ANKS1B: variants seen among roughly 807,000 people sequenced by gnomAD.
ANKS1B encodes ankyrin repeat and sterile alpha motif domain-containing protein 1B.
In ANKS1B, 36 loss-of-function variants were observed where a neutral mutation model predicts 148.3. The observed-to-expected ratio is 0.24, with a 90% CI of 0.19 to 0.32. The LOEUF (loss-of-function observed/expected upper bound fraction) is 0.32, where lower values mean the gene tolerates loss of function less well. Ranked by LOEUF, ANKS1B falls within the 10% of genes least tolerant of loss-of-function variation. ANKS1B has a pLI of 1.00. For missense variants in ANKS1B, 1,157 were observed against 1,542.6 expected (o/e 0.75, Z 4.19); for synonymous variants, 542 against 560.8 (o/e 0.97, Z 0.47).
In ANKS1B at chr12:99,138,585, G is replaced by A. The variant is rs536139121; in HGVS notation, c.2526+15704C>T. Among the ~76,000 whole-genome samples, 15 of 152,256 alleles carry A rather than the reference G, an allele frequency of 9.9e-5. 1 individual carries two copies. The highest frequency in any genetic ancestry group is 5.8e-4 in the East Asian group (3 of 5,168). ...GGTGAGCCTATCTGGGCACAGTGAC[G>A]GGTCATTAAGCTGTCTTCTCATATG... On this transcript the variant is annotated intron_variant, in intron 15 of 26. Transcript: ENST00000683438.
At chr12:99,108,815 C>G (rs2059727827) in intron 15 of ANKS1B, among the ~76,000 whole-genome samples, 1 of 152,076 alleles carries the variant, frequency 6.6e-6, no homozygotes. Flanking sequence ...CAGTAGGACA[C>G]TTTATGGGCA....
intron 12 of ANKS1B, among the ~76,000 whole-genome samples, chr12:99,249,731 T>C (rs1325477112): frequency 6.6e-6 from 1 of 152,162 alleles, no homozygotes; most frequent in African/African-American, 2.4e-5. Flanking sequence ...CCTCTCACGC[T>C]GACTCCCTCA....
At chr12:99,558,328 A>C (rs2097299256) in intron 9 of ANKS1B, among the ~76,000 whole-genome samples, 1 of 152,174 alleles carries the variant, frequency 6.6e-6, no homozygotes, top group Admixed American at 6.5e-5. Context: ...AAGCATCAGG[A>C]GGAGCAGGAT....
intron 17 of ANKS1B, among the ~76,000 whole-genome samples, chr12:98,948,680 A>G (rs1182445475): frequency 2.0e-5 from 3 of 151,946 alleles, no homozygotes; most frequent in South Asian, 2.1e-4. Context: ...CATGGACCAC[A>G]TTGATATGCA....
At chr12:99,334,459 T>C (rs1308362002) in intron 12 of ANKS1B, among the ~76,000 whole-genome samples, 1 of 152,022 alleles carries the variant, frequency 6.6e-6, no homozygotes, top group Non-Finnish European at 1.5e-5. Context: ...ACTTGCTCAA[T>C]AATATTCATA....
intron 12 of ANKS1B, among the ~76,000 whole-genome samples, chr12:99,252,309 A>G (rs1602089714): frequency 6.6e-6 from 1 of 152,178 alleles, no homozygotes; most frequent in Non-Finnish European, 1.5e-5. Context: ...TGCAGGTAGG[A>G]ATAGGGTTGG....
At chr12:99,028,946 T>A (rs2099950411) in intron 17 of ANKS1B, among the ~76,000 whole-genome samples, 1 of 152,162 alleles carries the variant, frequency 6.6e-6, no homozygotes, top group Admixed American at 6.5e-5. Context: ...TAGTATTTTA[T>A]CTTTAAAAGG....
intron 14 of ANKS1B, among the ~76,000 whole-genome samples, chr12:99,164,773 T>C (rs1028069599): frequency 7.9e-5 from 12 of 152,094 alleles, no homozygotes; most frequent in Admixed American, 4.6e-4. Context: ...CTGATAATCA[T>C]TTAGTAAACA....
rs551891849 is a variant in ANKS1B, at chr12:99,915,361, A to C, written c.134+68743T>G. The stretch of plus-strand genomic sequence containing the variant: ...CATGTGTCATTAGAACTGAGAGCAC[A>C]CATAAGGACGTGGATGTTGAGGGTG... On this transcript the variant is annotated intron_variant, in intron 1 of 26. Transcript: ENST00000683438. Among the ~76,000 whole-genome samples, 5 of 152,274 alleles carry C rather than the reference A, an allele frequency of 3.3e-5. No individual in the cohort carries two copies. In the South Asian group the frequency reaches 1.0e-3, roughly 32 times the overall value.
intron 16 of ANKS1B, among the ~76,000 whole-genome samples, chr12:99,063,040 C>T (rs970427415): frequency 1.3e-5 from 2 of 152,122 alleles, no homozygotes; most frequent in Admixed American, 6.5e-5. Flanking sequence ...CAAGAGCTGT[C>T]GCCTGTGTTG....
At chr12:98,743,592 G>C (rs1207973487), downstream of ANKS1B, among the ~76,000 whole-genome samples, 2 of 152,088 alleles carry the variant, frequency 1.3e-5, no homozygotes, top group Middle Eastern at 3.2e-3. Context: ...CTGGTCTATG[G>C]GGCTGCTGTG....
At chr12:99,393,204 C>G (rs1319911034) in intron 12 of ANKS1B, among the ~76,000 whole-genome samples, 1 of 152,084 alleles carries the variant, frequency 6.6e-6, no homozygotes, top group African/African-American at 2.4e-5. Context: ...AAAACTGTTA[C>G]CCGAGGAAAG....
intron 2 of ANKS1B, among the ~76,000 whole-genome samples, chr12:99,820,825 T>C (rs1251895545): frequency 6.6e-6 from 1 of 151,876 alleles, no homozygotes; most frequent in Non-Finnish European, 1.5e-5. Flanking sequence ...GGGGAGATAA[T>C]GCAGAGTACT....
rs148842236 is a variant in ANKS1B, at chr12:99,006,507, G to A, written c.2778+46650C>T. On this transcript the variant is annotated intron_variant, in intron 17 of 26. Transcript: ENST00000683438. Reference sequence around the variant, plus strand: ...ATCTGGGACCTATCTTATGTGGACTGTGCTAGGTGCAATGCCAAGGGATAA... The same window carrying A: ...ATCTGGGACCTATCTTATGTGGACTATGCTAGGTGCAATGCCAAGGGATAA... Among the ~76,000 whole-genome samples the A allele has an allele frequency of 1.9e-3, 294 of 152,304 alleles. 2 individuals are homozygous for A. Among genetic ancestry groups the A allele is most frequent in the African/African-American group, 6.8e-3 (282 of 41,570 alleles).
At chr12:99,840,584 T>A (rs2085567770) in intron 1 of ANKS1B, among the ~76,000 whole-genome samples, 2 of 152,066 alleles carry the variant, frequency 1.3e-5, no homozygotes, top group African/African-American at 4.8e-5. Flanking sequence ...AAAAAATGCT[T>A]GGATTATGCA....
intron 12 of ANKS1B, among the ~76,000 whole-genome samples, chr12:99,248,271 G>T (rs182686108): frequency 6.6e-6 from 1 of 152,136 alleles, no homozygotes; most frequent in Non-Finnish European, 1.5e-5. Flanking sequence ...ACTGCTCTCC[G>T]CCTGGGAACT....
At chr12:99,785,582 G>A (rs541329078) in intron 4 of ANKS1B, among the ~76,000 whole-genome samples, 76 of 152,082 alleles carry the variant, frequency 5.0e-4, no homozygotes, top group Non-Finnish European at 9.4e-4. Context: ...TAAGGCATGC[G>A]CCACCACGCC....
chr12:98,880,987 T>C (rs931601116), intron 17 of ANKS1B, among the ~76,000 whole-genome samples: 5 of 151,326 alleles, frequency 3.3e-5, no homozygotes, highest in African/African-American at 9.8e-5. Flanking sequence ...TTTAATTCCC[T>C]GCTTGGAAAG....
intron 17 of ANKS1B, among the ~76,000 whole-genome samples, chr12:98,999,784 C>G (rs2099931856): frequency 6.6e-6 from 1 of 152,146 alleles, no homozygotes; most frequent in Non-Finnish European, 1.5e-5. Flanking sequence ...TGTGGTTGGG[C>G]TGGGCTCTCC....
Sources: gnomAD v4.1 joint callset for allele counts (sites outside exome capture counted in the v4.1 genomes callset) on GRCh38, gnomAD v4.1.1 for gene constraint, MANE v1.5 for transcripts, NCBI Gene and HGNC (gene_info 2026-07-23, HGNC 2026-07-21) for gene names.